ZFYVE9: variants seen among roughly 807,000 people sequenced by gnomAD.
ZFYVE9 encodes zinc finger FYVE-type containing 9.
Under a neutral mutation model 126.7 loss-of-function variants are expected in ZFYVE9, and 43 were observed. The ratio of observed to expected loss-of-function variants is 0.34; its 90% CI spans 0.27 to 0.44. ZFYVE9 has a LOEUF of 0.44. Among genes scored for constraint, ZFYVE9 ranks in the 20% least tolerant of loss-of-function variants. The pLI, the probability that ZFYVE9 is intolerant of heterozygous loss-of-function variation, is 1.00. For missense variants in ZFYVE9, 1,476 were observed against 1,697.0 expected, an observed-to-expected ratio of 0.87 and a Z score of 2.29; for synonymous variants, 521 against 597.4, an observed-to-expected ratio of 0.87 and a Z score of 1.87.
chr1:52,154,184 A>G (rs919299726), intron 1 of ZFYVE9, among the ~76,000 whole-genome samples: 1 of 152,212 alleles, frequency 6.6e-6, no homozygotes, highest in East Asian at 1.9e-4. Flanking sequence ...CTAGGTCTCT[A>G]TGGACAGGAA....
intron 13 of ZFYVE9, among the ~76,000 whole-genome samples, chr1:52,320,119 G>T: frequency 6.7e-6 from 1 of 150,036 alleles, no homozygotes; most frequent in African/African-American, 2.4e-5. Context: ...TGCCCAGGCT[G>T]GAGTGCAATG....
intron 12 of ZFYVE9, 28 bp downstream of exon 12, chr1:52,296,005 C>G (rs1360343309): frequency 6.3e-7 from 1 of 1,595,840 alleles, no homozygotes; most frequent in East Asian, 2.2e-5. Flanking sequence ...TTTCCTTTGT[C>G]CTTACTGGAG....
intron 1 of ZFYVE9, among the ~76,000 whole-genome samples, chr1:52,150,682 G>C (rs1296526424): frequency 6.6e-6 from 1 of 151,136 alleles, no homozygotes; most frequent in African/African-American, 2.4e-5. Flanking sequence ...CAGGAGAATC[G>C]CTTGAACCTG....
chr1:52,338,238 A>G (rs1646406404), intron 16 of ZFYVE9, among the ~76,000 whole-genome samples: 1 of 152,182 alleles, frequency 6.6e-6, no homozygotes, highest in Non-Finnish European at 1.5e-5. Context: ...ATTTTTGCCA[A>G]CATTGTTTTG....
chr1:52,173,243 G>C (rs1025698253), intron 1 of ZFYVE9, among the ~76,000 whole-genome samples: 2 of 152,122 alleles, frequency 1.3e-5, no homozygotes, highest in African/African-American at 2.4e-5. Flanking sequence ...GGCTTTTTCT[G>C]CATCTACTGA....
chr1:52,269,826 C>T (rs910779645), intron 7 of ZFYVE9, among the ~76,000 whole-genome samples: 1 of 151,382 alleles, frequency 6.6e-6, no homozygotes, highest in Non-Finnish European at 1.5e-5. Context: ...CTCACTCTAT[C>T]GCCCAGGCTC....
intron 1 of ZFYVE9, among the ~76,000 whole-genome samples, chr1:52,215,457 C>T (rs1645063573): frequency 6.6e-6 from 1 of 152,084 alleles, no homozygotes. Context: ...TTAAGCATAT[C>T]ATTTTCACAT....
At chr1:52,202,001 C>T (rs986129494) in intron 1 of ZFYVE9, among the ~76,000 whole-genome samples, 1 of 151,874 alleles carries the variant, frequency 6.6e-6, no homozygotes. Context: ...CCAGGTTGGT[C>T]TCGAACTCCT....
chr1:52,245,120 C>T (rs528171412), intron 4 of ZFYVE9, among the ~76,000 whole-genome samples: 6 of 151,358 alleles, frequency 4.0e-5, no homozygotes, highest in Non-Finnish European at 8.8e-5. Flanking sequence ...ATCGAGATCA[C>T]GCCACTGCAC....
At chr1:52,251,059 G>GT (rs560933682) in intron 4 of ZFYVE9, among the ~76,000 whole-genome samples, 109 of 98,446 alleles carry the variant, frequency 1.1e-3, no homozygotes, top group Admixed American at 2.1e-3. Context: ...TGTTGTTGTT[G>GT]TTGTTTGTTT....
At chr1:52,216,755 G>GA (rs557872250) in intron 2 of ZFYVE9, among the ~76,000 whole-genome samples, 64 of 152,256 alleles carry the variant, frequency 4.2e-4, no homozygotes, top group Non-Finnish European at 7.9e-4. Context: ...GGTAATTTCA[G>GA]AAAAAATATG....
intron 3 of ZFYVE9, 133 bp downstream of exon 3, chr1:52,233,409 A>C: frequency 2.1e-6 from 1 of 474,800 alleles, no homozygotes; most frequent in South Asian, 8.4e-5. Flanking sequence ...AATAATATAC[A>C]GGGGAAGAAA....
chr1:52,223,399 CT>C (rs1645142155), intron 2 of ZFYVE9, among the ~76,000 whole-genome samples: 1 of 152,130 alleles, frequency 6.6e-6, no homozygotes, highest in Non-Finnish European at 1.5e-5. Context: ...GAAGAGTTCC[CT>C]GTTGTAGGGT....
rs746456764 is a variant in ZFYVE9, at chr1:52,238,490, G to A, written c.1073G>A (p.Cys358Tyr). 5.0e-6 allele frequency: 8 copies of A among 1,614,116 alleles called. No individual in the cohort carries two copies. The Admixed American group carries it at 1.0e-4, about 20-fold the overall frequency. ...GSGRNNDCER[C>Y]SDCLVPNEVR... Reference sequence around the variant, plus strand: ...GGAAGGAATAATGACTGTGAACGGTGTTCAGATTGCCTTGTGCCTAATGAA... The same window carrying A: ...GGAAGGAATAATGACTGTGAACGGTATTCAGATTGCCTTGTGCCTAATGAA... The change falls in exon 4 of 19, where the codon TGT becomes TAT. Residue 358 changes from cysteine to tyrosine, a missense_variant. Cys to Tyr is a radical substitution (Grantham distance 194). Coordinates refer to ENST00000287727, the MANE Select transcript of ZFYVE9 (RefSeq NM_004799.4).
At chr1:52,169,039 A>G (rs1644540151) in intron 1 of ZFYVE9, among the ~76,000 whole-genome samples, 1 of 151,982 alleles carries the variant, frequency 6.6e-6, no homozygotes, top group South Asian at 2.1e-4. Context: ...CTGAATTCCC[A>G]GATTGCTCCC....
At chr1:52,198,365 T>C (rs1466999459) in intron 1 of ZFYVE9, among the ~76,000 whole-genome samples, 1 of 152,034 alleles carries the variant, frequency 6.6e-6, no homozygotes, top group African/African-American at 2.4e-5. Flanking sequence ...TGCCTCGACC[T>C]CCCTTACAGG....
chr1:52,213,502 A>T (rs1572105147), intron 1 of ZFYVE9, among the ~76,000 whole-genome samples: 1 of 152,144 alleles, frequency 6.6e-6, no homozygotes, highest in South Asian at 2.1e-4. Flanking sequence ...ATACAAAAAA[A>T]TTAGCCGGGC....
chr1:52,263,078 CAA>C (rs759753454), intron 4 of ZFYVE9, among the ~76,000 whole-genome samples: 26 of 70,328 alleles, frequency 3.7e-4, no homozygotes, highest in Non-Finnish European at 6.5e-4. Flanking sequence ...AATTGTGTCT[CAA>C]AAAAAAAAAA....
intron 13 of ZFYVE9, among the ~76,000 whole-genome samples, chr1:52,325,329 A>G (rs1466309461): frequency 4.6e-5 from 7 of 152,196 alleles, no homozygotes; most frequent in Admixed American, 4.6e-4. Context: ...CTCCATCTCT[A>G]AAAAATTAAA....
Sources: gnomAD v4.1 joint callset for allele counts (sites outside exome capture counted in the v4.1 genomes callset) on GRCh38, gnomAD v4.1.1 for gene constraint, MANE v1.5 for transcripts, NCBI Gene and HGNC (gene_info 2026-07-23, HGNC 2026-07-21) for gene names.